Variants in STK10 observed in about 807,000 individuals in gnomAD.
STK10 encodes the protein serine/threonine-protein kinase 10.
Under a neutral mutation model 113.8 loss-of-function variants are expected in STK10, and 78 were observed. That is an observed-to-expected ratio of 0.69 (90% CI 0.57 to 0.83). The LOEUF is 0.83. STK10 is among the 40% of genes least tolerant of loss of function. The pLI is 0.00. For synonymous variants in STK10, 465 were observed against 494.7 expected (o/e 0.94, Z 0.80); for missense variants, 1,109 against 1,280.1 (o/e 0.87, Z 2.04).
At chr5:172,175,972 A>C (rs1239911658) in intron 1 of STK10, among the ~76,000 whole-genome samples, 1 of 151,960 alleles carries the variant, frequency 6.6e-6, no homozygotes, top group Non-Finnish European at 1.5e-5. Flanking sequence ...GCAAAAGTCA[A>C]CTCCCTACTC....
At chr5:172,182,769 G>T (rs1194468248) in intron 1 of STK10, among the ~76,000 whole-genome samples, 4 of 151,976 alleles carry the variant, frequency 2.6e-5, no homozygotes, top group African/African-American at 9.7e-5. Flanking sequence ...GCCCAGGCTG[G>T]TCTTGAACTC....
At chr5:172,147,478 G>A (rs1416965200) in intron 2 of STK10, among the ~76,000 whole-genome samples, 2 of 151,486 alleles carry the variant, frequency 1.3e-5, no homozygotes, top group African/African-American at 2.4e-5. Context: ...TGCAACCTCT[G>A]CCTCCCGGGT....
At chr5:172,053,104 A>G in intron 17 of STK10, 62 bp from the exon 18 acceptor site, 2 of 1,349,882 alleles carry the variant, frequency 1.5e-6, no homozygotes, top group Non-Finnish European at 1.1e-6. Flanking sequence ...GAAGACTGAG[A>G]CACACCTCAC....
At chr5:172,168,618 G>A (rs1188973365) in intron 1 of STK10, among the ~76,000 whole-genome samples, 2 of 152,162 alleles carry the variant, frequency 1.3e-5, no homozygotes, top group South Asian at 2.1e-4. Flanking sequence ...CGAGCAGCCC[G>A]CCTTTCTCCA....
intron 1 of STK10, among the ~76,000 whole-genome samples, chr5:172,178,048 G>A (rs192088172): frequency 2.6e-5 from 4 of 152,266 alleles, no homozygotes; most frequent in African/African-American, 7.2e-5. Context: ...GGCTGGTCTC[G>A]AACTCCTGAC....
rs1028486421 is a variant in STK10 at position 172,101,977 on chromosome 5, C to T, written c.870+3679G>A. Among the ~76,000 whole-genome samples the T allele has an allele frequency of 2.7e-5, 4 of 150,938 alleles. No individual in the cohort carries two copies. In the East Asian group the frequency reaches 5.8e-4, roughly 22 times the overall value. ...ATGGGGGTCAGCAGGGTGGGGGGGG[C>T]GGATCACACAGCACTCTAAGGGGCC... is the stretch of plus-strand genomic sequence containing the variant. On this transcript the variant is annotated intron_variant, in intron 7 of 18. Transcript: ENST00000176763.
At chr5:172,177,514 C>T (rs1175640998) in intron 1 of STK10, among the ~76,000 whole-genome samples, 1 of 152,198 alleles carries the variant, frequency 6.6e-6, no homozygotes, top group Non-Finnish European at 1.5e-5. Flanking sequence ...ATCTGTCGTG[C>T]CCAACATGGC....
chr5:172,065,757 G>C (rs1254973949), intron 12 of STK10, among the ~76,000 whole-genome samples: 1 of 152,098 alleles, frequency 6.6e-6, no homozygotes, highest in African/African-American at 2.4e-5. Flanking sequence ...CTGTCCTCTG[G>C]GGTTGTTAAA....
chr5:172,151,141 T>C (rs1415866211), intron 2 of STK10, among the ~76,000 whole-genome samples: 2 of 152,252 alleles, frequency 1.3e-5, no homozygotes, highest in Admixed American at 6.5e-5. Flanking sequence ...AGCCCTGTTA[T>C]AGACCTTTTC....
chr5:172,158,925 TTG>T (rs1770408076), intron 1 of STK10, among the ~76,000 whole-genome samples: 2 of 152,072 alleles, frequency 1.3e-5, no homozygotes, highest in South Asian at 4.1e-4. Context: ...TAAAGAGTTT[TTG>T]TAGAGGATGA....
At chr5:172,134,125 G>A (rs1231593228) in intron 2 of STK10, among the ~76,000 whole-genome samples, 1 of 152,190 alleles carries the variant, frequency 6.6e-6, no homozygotes, top group Non-Finnish European at 1.5e-5. Flanking sequence ...CCTGGACCCT[G>A]GGACCACATC....
At chr5:172,114,449 T>TTAAATATATATATA (rs1554119960) in intron 4 of STK10, 5 of 38,242 alleles carry the variant, frequency 1.3e-4, no homozygotes, top group African/African-American at 5.5e-4. Context: ...TATATTAAAA[T>TTAAATATATATATA]TATATATATA....
chr5:172,188,184 A>C lies in STK10; in HGVS notation c.-142T>G. 7.1e-7 allele frequency: 1 copy of C among 1,398,708 alleles called. No homozygotes were observed. The highest frequency in any genetic ancestry group is 2.6e-5 in the Admixed American group (1 of 37,768). The allele number at this position is 1,398,708 out of a possible 1,614,324, so 86.6% of individuals were successfully genotyped here. A position where few individuals can be genotyped will look rare whatever the true frequency, so the allele number is the denominator to read the frequency against. ...CAGACCCGCCTTTCCCCGCAGCCCGACCTCGGTCAAGTGTGCCCTGGGCAG... is the reference window on the plus strand; with the variant it reads ...CAGACCCGCCTTTCCCCGCAGCCCGCCCTCGGTCAAGTGTGCCCTGGGCAG... On this transcript the variant is annotated 5_prime_UTR_variant, in exon 1 of 19. Coordinates refer to ENST00000176763, the MANE Select transcript of STK10 (RefSeq NM_005990.4). This position sits in a 1 kb window ranked among gnomAD's most constrained non-coding sequence, Gnocchi z 5.6.
intron 7 of STK10, among the ~76,000 whole-genome samples, chr5:172,099,834 T>G (rs1581155562): frequency 6.6e-6 from 1 of 152,106 alleles, no homozygotes; most frequent in African/African-American, 2.4e-5. Flanking sequence ...AAACACCAGG[T>G]TTTCATCGGG....
intron 10 of STK10, among the ~76,000 whole-genome samples, chr5:172,087,623 AT>A (rs1203616701): frequency 0.014 from 1,181 of 85,138 alleles, 69 homozygotes; most frequent in African/African-American, 0.049. Context: ...TTACTTATTT[AT>A]TTTTTTTTTT....
chr5:172,174,939 C>A (rs1272147972), intron 1 of STK10, among the ~76,000 whole-genome samples: 1 of 152,228 alleles, frequency 6.6e-6, no homozygotes, highest in South Asian at 2.1e-4. Context: ...AGTCCCTCCT[C>A]GTCCCCATCC....
At position 172,064,768 on chromosome 5, in the gene STK10, T is replaced by C; in HGVS notation, c.2034A>G (p.Glu678=). ...GCTCCTCCATCTTCTGCTTCATGCTTTCCTTCCGCTGCTGTCGGGGGAGCT... is the reference window on the plus strand; with the variant it reads ...GCTCCTCCATCTTCTGCTTCATGCTCTCCTTCCGCTGCTGTCGGGGGAGCT... The part of the protein sequence containing the change: ...VEKLPRQQRK[E]SMKQKMEEHT... The change falls in exon 13 of 19, where the codon GAA becomes GAG. Residue 678 remains glutamate (E), a synonymous_variant. Transcript: ENST00000176763. The C allele has an allele frequency of 6.2e-7, 1 of 1,614,150 alleles. No individual in the cohort carries two copies. Among genetic ancestry groups the C allele is most frequent in the Non-Finnish European group, 8.5e-7 (1 of 1,180,024 alleles).
At chr5:172,181,982 T>C (rs1284449245) in intron 1 of STK10, among the ~76,000 whole-genome samples, 2 of 151,994 alleles carry the variant, frequency 1.3e-5, no homozygotes, top group East Asian at 1.9e-4. Context: ...TTTGGTAAAC[T>C]CCCAATTTTG....
At chr5:172,180,427 T>G (rs905259113) in intron 1 of STK10, among the ~76,000 whole-genome samples, 1 of 152,110 alleles carries the variant, frequency 6.6e-6, no homozygotes, top group African/African-American at 2.4e-5. Context: ...TTCGTGCCAC[T>G]GCACTCCAGC....
Sources: allele counts gnomAD v4.1 joint callset (sites outside exome capture counted in the v4.1 genomes callset), GRCh38; gene constraint gnomAD v4.1.1; non-coding constraint Gnocchi (gnomAD v3.1); transcripts MANE v1.5; gene names NCBI Gene and HGNC (gene_info 2026-07-23, HGNC 2026-07-21).